Variants in ARHGAP10 observed in about 807,000 individuals in gnomAD.
The protein encoded by ARHGAP10 is rho GTPase-activating protein 10.
A neutral mutation model predicts 108.6 loss-of-function variants in ARHGAP10; 87 were observed. The observed-to-expected ratio is 0.80, with a 90% CI of 0.67 to 0.96. The LOEUF (loss-of-function observed/expected upper bound fraction) is 0.96. ARHGAP10 is among the 40% of genes least tolerant of loss of function. The pLI is 0.00. For missense variants in ARHGAP10, 939 were observed against 954.5 expected, an observed-to-expected ratio of 0.98 and a Z score of 0.21; for synonymous variants, 347 against 341.1, an observed-to-expected ratio of 1.02 and a Z score of -0.19.
intron 1 of ARHGAP10, among the ~76,000 whole-genome samples, chr4:147,737,141 T>G (rs1212059913): frequency 6.6e-6 from 1 of 152,084 alleles, no homozygotes; most frequent in Non-Finnish European, 1.5e-5. Flanking sequence ...TATTTATTAT[T>G]ATTTTTAGAT....
rs1739157865 is a variant in ARHGAP10, at chr4:147,965,142, T to G, written c.1556+13T>G. On this transcript the variant is annotated intron_variant, in intron 17 of 22. Coordinates refer to ENST00000336498, the MANE Select transcript of ARHGAP10 (RefSeq NM_024605.4). ...AACACTTAACAAAGTAAGCCTCTTT[T>G]TCTTCGTTTTAACTTTCTTCACTTT... 6.3e-7 allele frequency: 1 copy of G among 1,585,862 alleles called. No homozygotes were observed.
At chr4:147,740,168 C>T (rs953310305) in intron 1 of ARHGAP10, among the ~76,000 whole-genome samples, 1 of 151,900 alleles carries the variant, frequency 6.6e-6, no homozygotes, top group African/African-American at 2.4e-5. Context: ...CCTGCCTCAG[C>T]CTCAGCTGCA....
chr4:147,869,287 T>A lies in ARHGAP10; in HGVS notation c.702+2471T>A, dbSNP rs967475395. On this transcript the variant is annotated intron_variant, in intron 7 of 22. Coordinates refer to ENST00000336498, the MANE Select transcript of ARHGAP10 (RefSeq NM_024605.4). ...GTGGGGAAACATCAGTCTCTTGGGA[T>A]GTTGAGTGAAACTCCTTGCACGGCT... Among the ~76,000 whole-genome samples the A allele has an allele frequency of 2.6e-5, 4 of 152,290 alleles. No homozygotes were observed. The East Asian group carries it at 7.7e-4, about 29-fold the overall frequency.
At chr4:147,898,311 A>G (rs1478562824) in intron 10 of ARHGAP10, among the ~76,000 whole-genome samples, 1 of 151,984 alleles carries the variant, frequency 6.6e-6, no homozygotes, top group Admixed American at 6.6e-5. Context: ...TTCCCCTTAT[A>G]CATCTTAAAG....
At chr4:147,916,508 A>T (rs922214441) in intron 13 of ARHGAP10, 1 of 152,208 alleles carries the variant, frequency 6.6e-6, no homozygotes, top group Admixed American at 6.5e-5. Flanking sequence ...TTTTTCTCTA[A>T]TTGTTTTTGT....
intron 18 of ARHGAP10, among the ~76,000 whole-genome samples, chr4:147,977,442 G>A (rs1739637727): frequency 6.6e-6 from 1 of 152,146 alleles, no homozygotes; most frequent in Admixed American, 6.5e-5. Context: ...TTTTAGAGCT[G>A]TCTTTTTTGT....
chr4:147,763,315 GTT>G (rs771156855), intron 1 of ARHGAP10, among the ~76,000 whole-genome samples: 5 of 138,894 alleles, frequency 3.6e-5, no homozygotes, highest in Non-Finnish European at 3.2e-5. Flanking sequence ...GTAGATAATA[GTT>G]TTTTTTTTTT....
intron 6 of ARHGAP10, 141 bp downstream of exon 6, chr4:147,865,097 CAGAT>C (rs1254451789): frequency 3.1e-5 from 22 of 705,714 alleles, no homozygotes; most frequent in Non-Finnish European, 4.7e-5. Flanking sequence ...AGGGCAGACA[CAGAT>C]AGCCATGAAG....
intron 10 of ARHGAP10, among the ~76,000 whole-genome samples, chr4:147,892,889 A>T (rs1051040511): frequency 3.3e-5 from 5 of 152,172 alleles, no homozygotes; most frequent in Non-Finnish European, 7.4e-5. Flanking sequence ...ACAGACATCT[A>T]GAGGGTAGAG....
rs569926434 is a variant in ARHGAP10, at chr4:147,818,433, G to A, written c.155-4294G>A. Among the ~76,000 whole-genome samples, 8 of 152,150 alleles carry A rather than the reference G, an allele frequency of 5.3e-5. No individual in the cohort carries two copies. The South Asian group carries it at 1.7e-3, about 32-fold the overall frequency. On this transcript the variant is annotated intron_variant, in intron 1 of 22. Coordinates refer to ENST00000336498, the MANE Select transcript of ARHGAP10 (RefSeq NM_024605.4). ...ATAAAAAAATTAGCTGGGGGTGATG[G>A]CATATGCCTGTAATTCCAGCCACTT...
intron 10 of ARHGAP10, among the ~76,000 whole-genome samples, chr4:147,883,538 C>T (rs1302990110): frequency 6.6e-6 from 1 of 152,176 alleles, no homozygotes; most frequent in African/African-American, 2.4e-5. Flanking sequence ...CCATAGCTCT[C>T]TCAGGTAGTT....
chr4:148,033,772 C>T (rs748707592), intron 19 of ARHGAP10, among the ~76,000 whole-genome samples: 16 of 152,190 alleles, frequency 1.1e-4, no homozygotes, highest in Non-Finnish European at 2.1e-4. Context: ...GTCCCTTTAG[C>T]ATGAGCTGGC....
rs115563034 is a variant in ARHGAP10, at chr4:147,888,224, A to G, written c.1034+6292A>G. Among the ~76,000 whole-genome samples, 1,516 of 152,326 alleles carry G rather than the reference A, an allele frequency of 1.0e-2. 23 individuals are homozygous for G. Among genetic ancestry groups the G allele is most frequent in the African/African-American group, 0.033 (1,390 of 41,574 alleles). On this transcript the variant is annotated intron_variant, in intron 10 of 22. Coordinates refer to ENST00000336498, the MANE Select transcript of ARHGAP10 (RefSeq NM_024605.4). Reference sequence around the variant, plus strand: ...CTCACACTTTTTTATGACCTTGTCCAGTCTTACGACTTTATGTGCCATCCG... The same window carrying G: ...CTCACACTTTTTTATGACCTTGTCCGGTCTTACGACTTTATGTGCCATCCG...
intron 5 of ARHGAP10, chr4:147,861,477 C>T (rs999545114): frequency 1.3e-5 from 2 of 151,942 alleles, no homozygotes; most frequent in Non-Finnish European, 2.9e-5. Flanking sequence ...GAGGATCACC[C>T]CTGTTTGTGT....
chr4:148,035,493 C>T (rs375384223), intron 19 of ARHGAP10, among the ~76,000 whole-genome samples: 1 of 152,126 alleles, frequency 6.6e-6, no homozygotes, highest in Non-Finnish European at 1.5e-5. Flanking sequence ...ATTATATTAG[C>T]CAAGTGAATT....
chr4:147,759,974 T>C (rs575295166), intron 1 of ARHGAP10, among the ~76,000 whole-genome samples: 1 of 152,268 alleles, frequency 6.6e-6, no homozygotes, highest in South Asian at 2.1e-4. Flanking sequence ...GATCTCAGAC[T>C]CCTGACCTCA....
intron 18 of ARHGAP10, among the ~76,000 whole-genome samples, chr4:148,015,579 A>T (rs1307147634): frequency 6.6e-6 from 1 of 152,196 alleles, no homozygotes; most frequent in Non-Finnish European, 1.5e-5. Context: ...ATTTTCTAGA[A>T]AAGACCCTCA....
rs539577902 is a variant in ARHGAP10 at position 147,990,748 on chromosome 4, A to G, written c.1716+23909A>G. Among the ~76,000 whole-genome samples, 3 of 152,280 alleles carry G rather than the reference A, an allele frequency of 2.0e-5. No homozygotes were observed. The South Asian group carries it at 6.2e-4, about 32-fold the overall frequency. Reference sequence around the variant, plus strand: ...GAGTACATAGGGACACAAAAAGGGAACAACAGACGCCGAGGTCTACTTGAG... The same window carrying G: ...GAGTACATAGGGACACAAAAAGGGAGCAACAGACGCCGAGGTCTACTTGAG... On this transcript the variant is annotated intron_variant, in intron 18 of 22. Transcript: ENST00000336498.
intron 1 of ARHGAP10, among the ~76,000 whole-genome samples, chr4:147,757,303 C>T (rs932365170): frequency 6.6e-6 from 1 of 151,360 alleles, no homozygotes; most frequent in African/African-American, 2.4e-5. Context: ...CAAGCAATTC[C>T]CCTGCCTCAG....
Sources: gnomAD v4.1 joint callset for allele counts (sites outside exome capture counted in the v4.1 genomes callset) on GRCh38, gnomAD v4.1.1 for gene constraint, MANE v1.5 for transcripts, NCBI Gene and HGNC (gene_info 2026-07-23, HGNC 2026-07-21) for gene names.